SLC4A7: variants seen among roughly 807,000 people sequenced by gnomAD.
SLC4A7 encodes the protein solute carrier family 4 member 7.
In SLC4A7, 51 loss-of-function variants were observed where a neutral mutation model predicts 137.6. The observed-to-expected ratio is 0.37, with a 90% CI of 0.30 to 0.47. The LOEUF (loss-of-function observed/expected upper bound fraction) is 0.47. Among genes scored for constraint, SLC4A7 ranks in the 20% least tolerant of loss-of-function variants. The pLI, the probability that SLC4A7 is intolerant of heterozygous loss-of-function variation, is 1.00. For synonymous variants in SLC4A7, 542 were observed against 518.6 expected (o/e 1.05, Z -0.61); for missense variants, 1,247 against 1,525.4 (o/e 0.82, Z 3.04).
At chr3:27,444,415 T>C (rs550507857) in intron 3 of SLC4A7, among the ~76,000 whole-genome samples, 10 of 152,356 alleles carry the variant, frequency 6.6e-5, no homozygotes, top group Non-Finnish European at 1.2e-4. Flanking sequence ...TCTGATATCC[T>C]CCTTTCTGGG....
At chr3:27,383,401 T>G in intron 23 of SLC4A7, 151 bp from the exon 24 acceptor site, 1 of 634,488 alleles carries the variant, frequency 1.6e-6, no homozygotes, top group East Asian at 2.8e-5. Context: ...CATGAACACA[T>G]ACTTGTAACA....
intron 10 of SLC4A7, among the ~76,000 whole-genome samples, chr3:27,419,349 G>A (rs751176517): frequency 2.6e-5 from 4 of 151,564 alleles, no homozygotes; most frequent in East Asian, 4.0e-4. Flanking sequence ...CAGGCGGATC[G>A]CCTGATGTCA....
At chr3:27,439,432 C>T (rs926698517) in intron 3 of SLC4A7, among the ~76,000 whole-genome samples, 5 of 152,048 alleles carry the variant, frequency 3.3e-5, no homozygotes, top group African/African-American at 1.2e-4. Context: ...ATTGAACTTC[C>T]TACTGTATTA....
chr3:27,424,602 CACTA>C (rs1274416024), intron 7 of SLC4A7: 1 of 152,556 alleles, frequency 6.6e-6, no homozygotes, highest in African/African-American at 2.4e-5. Flanking sequence ...AAAAAAGCTA[CACTA>C]ACTAAATGCA....
intron 1 of SLC4A7, among the ~76,000 whole-genome samples, chr3:27,458,639 T>C (rs1476669209): frequency 1.3e-5 from 2 of 152,224 alleles, no homozygotes; most frequent in African/African-American, 2.4e-5. Flanking sequence ...CAGTCAATGA[T>C]TTTTTTAAAT....
At position 27,476,803 on chromosome 3, in the gene SLC4A7, C is replaced by T. The variant is rs531647028; in HGVS notation, c.60+7264G>A. ...CTGCAGAACTGTGAGTCAAGTAAAC[C>T]TCTTTCCTTCATAAATTACCCAGTC... On this transcript the variant is annotated intron_variant, in intron 1 of 25. Coordinates refer to ENST00000454389, the MANE Select transcript of SLC4A7 (RefSeq NM_001321103.2). Among the ~76,000 whole-genome samples the T allele has an allele frequency of 3.3e-5, 5 of 152,300 alleles. No homozygotes were observed. The South Asian group carries it at 1.0e-3, about 32-fold the overall frequency.
In SLC4A7 at chr3:27,421,886, A is replaced by G. The variant is rs2055015832; in HGVS notation, c.1267-107T>C. ...ATAAGACTACTATTTGCTAATCAAA[A>G]CTTGTGATCTAATGAATGTTTAAAA... On this transcript the variant is annotated intron_variant, in intron 8 of 25. Transcript: ENST00000454389. 5.4e-6 allele frequency: 4 copies of G among 736,032 alleles called. No homozygotes were observed. In the Admixed American group the frequency reaches 1.2e-4, roughly 21 times the overall value. The allele number at this position is 736,032 out of a possible 1,614,324, so 45.6% of individuals were successfully genotyped here.
At chr3:27,441,227 T>C (rs1240600318) in intron 3 of SLC4A7, among the ~76,000 whole-genome samples, 2 of 152,220 alleles carry the variant, frequency 1.3e-5, no homozygotes, top group Non-Finnish European at 2.9e-5. Context: ...GTAATTTTGC[T>C]AGGAATTTTC....
intron 22 of SLC4A7, among the ~76,000 whole-genome samples, chr3:27,389,159 T>C (rs1304503806): frequency 6.6e-6 from 1 of 152,178 alleles, no homozygotes; most frequent in South Asian, 2.1e-4. Flanking sequence ...ATGAAGTGCA[T>C]ACACCTTCCT....
intron 1 of SLC4A7, among the ~76,000 whole-genome samples, chr3:27,466,320 G>A (rs1201094612): frequency 6.6e-6 from 1 of 151,362 alleles, no homozygotes; most frequent in South Asian, 2.1e-4. Flanking sequence ...GCGAGGTGGT[G>A]GGCACCTGTA....
intron 23 of SLC4A7, 128 bp downstream of exon 23, chr3:27,385,764 C>G (rs2050877726): frequency 1.6e-6 from 1 of 643,724 alleles, no homozygotes; most frequent in Non-Finnish European, 2.6e-6. Context: ...GTACCTACTA[C>G]ACTTTTATAA....
At chr3:27,476,244 T>A (rs1038411172) in intron 1 of SLC4A7, among the ~76,000 whole-genome samples, 3 of 152,324 alleles carry the variant, frequency 2.0e-5, no homozygotes, top group African/African-American at 7.2e-5. Context: ...GTGCTTAATA[T>A]TCACTTGCCT....
chr3:27,375,121 A>G lies in SLC4A7; in HGVS notation c.*1643T>C, dbSNP rs2049814515. On this transcript the variant is annotated 3_prime_UTR_variant, in exon 26 of 26. Transcript: ENST00000454389. Reference sequence around the variant, plus strand: ...ATATGGTCTTAGAGGAGGACATTACATTAGTTAATAAATAGTTTATAATGA... The same window carrying G: ...ATATGGTCTTAGAGGAGGACATTACGTTAGTTAATAAATAGTTTATAATGA... The G allele has an allele frequency of 6.6e-6, 1 of 152,066 alleles. No homozygotes were observed. Among genetic ancestry groups the G allele is most frequent in the Non-Finnish European group, 1.5e-5 (1 of 67,912 alleles). The allele number at this position is 152,066 out of a possible 1,614,324, so 9.4% of individuals were successfully genotyped here. A position where few individuals can be genotyped will look rare whatever the true frequency, so the allele number is the denominator to read the frequency against.
intron 12 of SLC4A7, among the ~76,000 whole-genome samples, chr3:27,410,980 ATTAT>A (rs1371653863): frequency 1.3e-5 from 2 of 152,172 alleles, no homozygotes; most frequent in Non-Finnish European, 2.9e-5. Flanking sequence ...AATATTTAAG[ATTAT>A]TTAATTCCAT....
rs775571793 is a variant in SLC4A7 at position 27,390,108 on chromosome 3, C to A, written c.3187-4G>T. ...ATAATTTTATACGGTCAAATAACTA[C>A]ATATAGAATAAAAAACAAAGAAGTT... On this transcript the variant is annotated splice_region_variant and splice_polypyrimidine_tract_variant and intron_variant, in intron 21 of 25. Coordinates refer to ENST00000454389, the MANE Select transcript of SLC4A7 (RefSeq NM_001321103.2). 6 of 1,544,700 alleles carry A rather than the reference C, an allele frequency of 3.9e-6. No individual in the cohort carries two copies. The highest frequency in any genetic ancestry group is 3.8e-5 in the Admixed American group (2 of 53,120).
chr3:27,421,606 G>A lies in SLC4A7; in HGVS notation c.1424+16C>T, dbSNP rs771942130. The A allele has an allele frequency of 3.8e-6, 6 of 1,589,026 alleles. No individual in the cohort carries two copies. Among genetic ancestry groups the A allele is most frequent in the South Asian group, 1.2e-5 (1 of 86,890 alleles). Reference sequence around the variant, plus strand: ...TGAAAATGCTTAGAGAATGTTACTTGGAACTAACTCTTTACCTGGTTGGAA... The same window carrying A: ...TGAAAATGCTTAGAGAATGTTACTTAGAACTAACTCTTTACCTGGTTGGAA... On this transcript the variant is annotated intron_variant, in intron 9 of 25. Transcript: ENST00000454389.
At chr3:27,410,754 A>G (rs1052087188) in intron 12 of SLC4A7, among the ~76,000 whole-genome samples, 1 of 152,196 alleles carries the variant, frequency 6.6e-6, no homozygotes, top group Non-Finnish European at 1.5e-5. Context: ...ATACAACAGT[A>G]CTGTTCACAC....
chr3:27,457,025 G>T (rs2058450964), intron 1 of SLC4A7: 2 of 613,476 alleles, frequency 3.3e-6, no homozygotes, highest in African/African-American at 2.0e-5. Flanking sequence ...TATGTGGATG[G>T]ATGTGTGAGA....
chr3:27,389,606 AC>A (rs2051324442), intron 22 of SLC4A7, among the ~76,000 whole-genome samples: 1 of 152,184 alleles, frequency 6.6e-6, no homozygotes, highest in African/African-American at 2.4e-5. Flanking sequence ...TTAATAATGA[AC>A]CATGTTGTTT....
Sources: allele counts gnomAD v4.1 joint callset (sites outside exome capture counted in the v4.1 genomes callset), GRCh38; gene constraint gnomAD v4.1.1; transcripts MANE v1.5; gene names NCBI Gene and HGNC (gene_info 2026-07-23, HGNC 2026-07-21).